The following MIGA2 variants were observed in gnomAD, a reference collection of about 807,000 sequenced individuals.
MIGA2 encodes mitoguardin 2.
MIGA2 carries 36 observed loss-of-function variants against 69.9 expected under a neutral mutation model. The ratio of observed to expected loss-of-function variants is 0.52; its 90% CI spans 0.39 to 0.68. The LOEUF is 0.68. Among genes scored for constraint, MIGA2 ranks in the 30% least tolerant of loss-of-function variants. The pLI, the probability that MIGA2 is intolerant of heterozygous loss-of-function variation, is 0.00. For synonymous variants in MIGA2, 333 were observed against 349.2 expected (o/e 0.95, Z 0.52); for missense variants, 660 against 787.7 (o/e 0.84, Z 1.94).
In MIGA2 at chr9:129,060,771, A is replaced by G. The variant is rs1420504824; in HGVS notation, c.894+121A>G. 2.7e-6 allele frequency: 2 copies of G among 743,834 alleles called. No homozygotes were observed. The highest frequency in any genetic ancestry group is 1.8e-5 in the African/African-American group (1 of 54,668). The allele number at this position is 743,834 out of a possible 1,614,324, so 46.1% of individuals were successfully genotyped here. A position where few individuals can be genotyped will look rare whatever the true frequency, so the allele number is the denominator to read the frequency against. The stretch of plus-strand genomic sequence containing the variant: ...CATTTCCTCTGATGGGAGAATTTGG[A>G]TGCTCCCACGGGCCTCCTCGAAGCT... On this transcript the variant is annotated intron_variant, in intron 8 of 15. Transcript: ENST00000684074. The surrounding 1 kb of genome is among the most constrained non-coding windows in gnomAD (Gnocchi z 4.8).
At chr9:129,044,237 C>T (rs748266108) in intron 3 of MIGA2, among the ~76,000 whole-genome samples, 1 of 151,798 alleles carries the variant, frequency 6.6e-6, no homozygotes, top group Non-Finnish European at 1.5e-5. Context: ...CGTGATCCAC[C>T]CGCCTTGGCC....
chr9:129,067,920 G>C lies in MIGA2; in HGVS notation c.1269+49G>C, dbSNP rs753699705. ...CGACATCCCGGGCTCCCCTGCATCT[G>C]AGCAGCAAGGGGGTTCTTGTGCCGA... On this transcript the variant is annotated intron_variant, in intron 12 of 15. Transcript: ENST00000684074. The C allele has an allele frequency of 1.9e-6, 3 of 1,559,810 alleles. No individual in the cohort carries two copies. The Admixed American group carries it at 5.5e-5, about 28-fold the overall frequency.
At chr9:129,067,646 C>T (rs902186275) in intron 11 of MIGA2, 127 bp from the exon 12 acceptor site, 71 of 796,754 alleles carry the variant, frequency 8.9e-5, no homozygotes, top group Admixed American at 7.0e-4. Context: ...TTCTCTGCCA[C>T]GTTTTCTCTG....
At chr9:129,042,569 A>G in intron 3 of MIGA2, 55 bp downstream of exon 3, 1 of 1,506,544 alleles carries the variant, frequency 6.6e-7, no homozygotes. Context: ...CTGGGGTCAT[A>G]TCCCAGCTGG....
intron 6 of MIGA2, among the ~76,000 whole-genome samples, chr9:129,057,020 C>T (rs1053173875): frequency 5.3e-5 from 8 of 151,740 alleles, no homozygotes; most frequent in Admixed American, 2.0e-4. Flanking sequence ...GGCAACAGAA[C>T]GAGACCCCAT....
chr9:129,061,175 C>A lies in MIGA2; in HGVS notation c.895-56C>A. On this transcript the variant is annotated intron_variant, in intron 8 of 15. Coordinates refer to ENST00000684074, the MANE Select transcript of MIGA2 (RefSeq NM_001329990.2). This position sits in a 1 kb window ranked among gnomAD's most constrained non-coding sequence, Gnocchi z 5.0. ...GACCAATGGGCAGGTGCCCTTGCGCCGTGGCGTGCTGCTCACATGGGCTTC... is the reference window on the plus strand; with the variant it reads ...GACCAATGGGCAGGTGCCCTTGCGCAGTGGCGTGCTGCTCACATGGGCTTC... 1 of 1,477,138 alleles carries A rather than the reference C, an allele frequency of 6.8e-7. No individual in the cohort carries two copies. Among genetic ancestry groups the A allele is most frequent in the Non-Finnish European group, 9.3e-7 (1 of 1,074,522 alleles). 91.5% of individuals were successfully genotyped at this position (1,477,138 alleles called of 1,614,324 possible). A position where few individuals can be genotyped will look rare whatever the true frequency, so the allele number is the denominator to read the frequency against.
intron 2 of MIGA2, among the ~76,000 whole-genome samples, chr9:129,041,433 G>T (rs1171860402): frequency 6.6e-6 from 1 of 152,094 alleles, no homozygotes; most frequent in Non-Finnish European, 1.5e-5. Context: ...AGCGGAGGTT[G>T]CAGTGAGTCG....
chr9:129,042,886 C>G (rs1480336023), intron 3 of MIGA2, among the ~76,000 whole-genome samples: 2 of 152,128 alleles, frequency 1.3e-5, no homozygotes, highest in Non-Finnish European at 2.9e-5. Context: ...TCCTCCCATT[C>G]CCTTCTCTCT....
rs1025530369 is a variant in MIGA2, at chr9:129,061,141, G to T, written c.895-90G>T. ...CAGTGGGCAGGCACCTGGGGTGGCC[G>T]CTGTGGCCGACCAATGGGCAGGTGC... On this transcript the variant is annotated intron_variant, in intron 8 of 15. Transcript: ENST00000684074. This position sits in a 1 kb window ranked among gnomAD's most constrained non-coding sequence, Gnocchi z 5.0. 2 of 1,113,538 alleles carry T rather than the reference G, an allele frequency of 1.8e-6. No individual in the cohort carries two copies. Among genetic ancestry groups the T allele is most frequent in the Non-Finnish European group, 1.3e-6 (1 of 754,074 alleles). The allele number at this position is 1,113,538 out of a possible 1,614,324, so 69.0% of individuals were successfully genotyped here. A position where few individuals can be genotyped will look rare whatever the true frequency, so the allele number is the denominator to read the frequency against.
intron 4 of MIGA2, among the ~76,000 whole-genome samples, chr9:129,048,923 C>T (rs139873885): frequency 6.6e-6 from 1 of 152,296 alleles, no homozygotes; most frequent in African/African-American, 2.4e-5. Flanking sequence ...TTCACTCATC[C>T]AGCAAGCAGA....
At position 129,070,608 on chromosome 9, in the gene MIGA2, G is replaced by GAGA; in HGVS notation, c.*160_*162dup. 1 of 793,302 alleles carries GAGA rather than the reference G, an allele frequency of 1.3e-6. No individual in the cohort carries two copies. 49.1% of individuals were successfully genotyped at this position (793,302 alleles called of 1,614,324 possible). The stretch of plus-strand genomic sequence containing the variant: ...AAGGCCCAGAGGGGACATTTCCATG[G>GAGA]AGAAGAACGGTTCCTGGGGGAAGCA... On this transcript the variant is annotated 3_prime_UTR_variant, in exon 16 of 16. Coordinates refer to ENST00000684074, the MANE Select transcript of MIGA2 (RefSeq NM_001329990.2).
intron 6 of MIGA2, among the ~76,000 whole-genome samples, chr9:129,053,375 T>C (rs1193275665): frequency 6.6e-6 from 1 of 152,150 alleles, no homozygotes; most frequent in Non-Finnish European, 1.5e-5. Flanking sequence ...AATTTTTTTT[T>C]TTTTTGAGAC....
At chr9:129,062,134 C>T (rs548026394) in intron 9 of MIGA2, among the ~76,000 whole-genome samples, 5 of 151,374 alleles carry the variant, frequency 3.3e-5, no homozygotes, top group Non-Finnish European at 1.5e-5. Context: ...ATCCACCTGC[C>T]TTGGCCTCCC....
intron 2 of MIGA2, 73 bp downstream of exon 2, chr9:129,040,763 C>A: frequency 7.2e-7 from 1 of 1,381,500 alleles, no homozygotes; most frequent in Non-Finnish European, 1.0e-6. Context: ...CCTCCGTGTC[C>A]AGGAACGCTG....
At chr9:129,039,441 T>C (rs1003427828) in intron 1 of MIGA2, among the ~76,000 whole-genome samples, 2 of 152,062 alleles carry the variant, frequency 1.3e-5, no homozygotes, top group African/African-American at 4.8e-5. Context: ...GAGATGGGGT[T>C]TCACTGTGTT....
intron 11 of MIGA2, among the ~76,000 whole-genome samples, chr9:129,063,977 C>T (rs1430011904): frequency 6.6e-6 from 1 of 152,148 alleles, no homozygotes; most frequent in Non-Finnish European, 1.5e-5. Context: ...TGAGGTTCAC[C>T]ATCACAGACA....
At chr9:129,070,206 C>A in intron 15 of MIGA2, 41 bp from the exon 16 acceptor site, 1 of 1,591,124 alleles carries the variant, frequency 6.3e-7, no homozygotes, top group South Asian at 1.1e-5. Context: ...TCATGGTGGG[C>A]AGTGGCTGGG....
chr9:129,070,435 C>A lies in MIGA2; in HGVS notation c.1764C>A (p.Pro588=), dbSNP rs1391067355. 9 of 1,589,200 alleles carry A rather than the reference C, an allele frequency of 5.7e-6. No individual in the cohort carries two copies. The highest frequency in any genetic ancestry group is 7.7e-6 in the Non-Finnish European group (9 of 1,165,028). ...GGGCGCTGCCCCGAGAGAATGGGCC[C>A]CTGGGGGAGCTGCAGTAGAGGCGGC... The part of the protein sequence containing the change: ...VNGALPRENG[P]LGELQ The change falls in exon 16 of 16, where the codon CCC becomes CCA. Residue 588 remains proline (P), a synonymous_variant. Transcript: ENST00000684074.
chr9:129,058,849 G>A (rs1210385133), intron 6 of MIGA2, among the ~76,000 whole-genome samples: 1 of 152,140 alleles, frequency 6.6e-6, no homozygotes, highest in African/African-American at 2.4e-5. Flanking sequence ...AACCTGGTAT[G>A]TCCAGTATGT....
Sources: allele counts gnomAD v4.1 joint callset (sites outside exome capture counted in the v4.1 genomes callset), GRCh38; gene constraint gnomAD v4.1.1; non-coding constraint Gnocchi (gnomAD v3.1); transcripts MANE v1.5; gene names NCBI Gene and HGNC (gene_info 2026-07-23, HGNC 2026-07-21).